The following PTPRD variants were observed in gnomAD, a reference collection of about 807,000 sequenced individuals.
PTPRD encodes protein tyrosine phosphatase receptor type D, also known as receptor-type tyrosine-protein phosphatase delta.
A neutral mutation model predicts 214.5 loss-of-function variants in PTPRD; 34 were observed. The observed-to-expected ratio is 0.16, with a 90% CI of 0.12 to 0.21. The LOEUF (loss-of-function observed/expected upper bound fraction) is 0.21, where lower values mean the gene tolerates loss of function less well. PTPRD is among the 10% of genes least tolerant of loss of function. The probability of loss-of-function intolerance (pLI) is 1.00; values close to 1 mark genes in which losing one functional copy is unlikely to be tolerated. For synonymous variants in PTPRD, 1,128 were observed against 845.7 expected, an observed-to-expected ratio of 1.33 and a Z score of -5.79; for missense variants, 2,545 against 2,398.7, an observed-to-expected ratio of 1.06 and a Z score of -1.27.
At chr9:8,954,238 C>A in intron 11 of PTPRD, among the ~76,000 whole-genome samples, 1 of 151,890 alleles carries the variant, frequency 6.6e-6, no homozygotes, top group East Asian at 1.9e-4. Flanking sequence ...TGAACTAAAG[C>A]AGAAACAGAA....
chr9:9,151,182 A>C (rs1016250385), intron 10 of PTPRD, among the ~76,000 whole-genome samples: 1 of 152,208 alleles, frequency 6.6e-6, no homozygotes, highest in Admixed American at 6.5e-5. Flanking sequence ...GATCTCAATG[A>C]ATTCTAGTCC....
intron 14 of PTPRD, among the ~76,000 whole-genome samples, chr9:8,629,356 G>T (rs112351288): frequency 6.6e-6 from 1 of 151,828 alleles, no homozygotes; most frequent in Admixed American, 6.6e-5. Context: ...ATCTATCAGA[G>T]AGAATATTTT....
rs1396791280 is a variant in PTPRD, at chr9:8,500,773, C to T, written c.2109G>A (p.Leu703=). The T allele has an allele frequency of 1.5e-5, 24 of 1,613,926 alleles. No individual in the cohort carries two copies. In the East Asian group the frequency reaches 4.9e-4, roughly 33 times the overall value. ...ACATACCATCTTCATTGGTTCGAATCAACACGGACAAGCTCTCAGGGCCAG... is the reference window on the plus strand; with the variant it reads ...ACATACCATCTTCATTGGTTCGAATTAACACGGACAAGCTCTCAGGGCCAG... ...VGPGPESLSV[L]IRTNEDVPSG... Residue 703 remains leucine (L), a synonymous_variant, in exon 24 of 46, where the codon TTG becomes TTA. Transcript: ENST00000381196.
chr9:9,074,373 T>G (rs1363734864), intron 10 of PTPRD, among the ~76,000 whole-genome samples: 1 of 152,114 alleles, frequency 6.6e-6, no homozygotes, highest in African/African-American at 2.4e-5. Context: ...GCTTTAGGAT[T>G]GATTCACATA....
chr9:10,226,912 T>C (rs1325512262), intron 3 of PTPRD, among the ~76,000 whole-genome samples: 1 of 152,012 alleles, frequency 6.6e-6, no homozygotes, highest in Non-Finnish European at 1.5e-5. Flanking sequence ...TTTTCAACTA[T>C]TTGGGGGGTA....
intron 10 of PTPRD, among the ~76,000 whole-genome samples, chr9:9,059,647 A>G (rs2099703548): frequency 6.6e-6 from 1 of 152,122 alleles, no homozygotes; most frequent in Non-Finnish European, 1.5e-5. Context: ...AATGATGCCA[A>G]AAAGATAGAA....
chr9:10,558,704 G>C (rs2063172974), intron 2 of PTPRD, among the ~76,000 whole-genome samples: 1 of 152,082 alleles, frequency 6.6e-6, no homozygotes, highest in Non-Finnish European at 1.5e-5. Context: ...TATTGCAAGT[G>C]CTAAATACAG....
chr9:8,884,907 T>A (rs565186053), intron 11 of PTPRD, among the ~76,000 whole-genome samples: 2 of 151,914 alleles, frequency 1.3e-5, no homozygotes, highest in East Asian at 3.9e-4. Context: ...ATATATCAAG[T>A]CTCCATGGTA....
At chr9:10,141,567 G>T (rs187900676) in intron 3 of PTPRD, among the ~76,000 whole-genome samples, 29 of 151,956 alleles carry the variant, frequency 1.9e-4, no homozygotes, top group East Asian at 7.7e-4. Flanking sequence ...CCTCTCCAAG[G>T]AGAACTACAA....
chr9:9,344,613 G>A (rs1432401937), intron 9 of PTPRD, among the ~76,000 whole-genome samples: 1 of 151,978 alleles, frequency 6.6e-6, no homozygotes, highest in Non-Finnish European at 1.5e-5. Flanking sequence ...CACAAATGCA[G>A]ATAAAAGATA....
At chr9:9,272,034 G>C (rs1020045488) in intron 9 of PTPRD, among the ~76,000 whole-genome samples, 1 of 151,056 alleles carries the variant, frequency 6.6e-6, no homozygotes, top group African/African-American at 2.4e-5. Context: ...GTGAAGAATG[G>C]AGTTTTTTAA....
At chr9:8,691,816 T>G (rs1264101307) in intron 12 of PTPRD, among the ~76,000 whole-genome samples, 5 of 152,218 alleles carry the variant, frequency 3.3e-5, no homozygotes, top group East Asian at 1.9e-4. Flanking sequence ...AGCAACTTTA[T>G]GCAACTTTAT....
At chr9:8,665,827 C>G (rs138943063) in intron 12 of PTPRD, among the ~76,000 whole-genome samples, 60 of 152,286 alleles carry the variant, frequency 3.9e-4, no homozygotes, top group African/African-American at 1.3e-3. Context: ...AAATACTTTA[C>G]TGTAACAGTG....
intron 9 of PTPRD, among the ~76,000 whole-genome samples, chr9:9,343,358 C>T (rs909474647): frequency 1.3e-5 from 2 of 152,148 alleles, no homozygotes; most frequent in Non-Finnish European, 2.9e-5. Flanking sequence ...AAAAGTGTTC[C>T]TATTTCTCCA....
chr9:9,119,888 G>A (rs79655472), intron 10 of PTPRD, among the ~76,000 whole-genome samples: 1,947 of 149,450 alleles, frequency 0.013, 44 homozygotes, highest in African/African-American at 0.045. Flanking sequence ...AAAGTGTATT[G>A]TACTTGGGAG....
chr9:9,110,359 T>A (rs536762792), intron 10 of PTPRD, among the ~76,000 whole-genome samples: 1 of 152,214 alleles, frequency 6.6e-6, no homozygotes, highest in East Asian at 1.9e-4. Context: ...GAGCCCCACC[T>A]CAGAATCAGA....
intron 2 of PTPRD, among the ~76,000 whole-genome samples, chr9:10,541,048 C>T (rs1004283745): frequency 2.0e-5 from 3 of 152,138 alleles, no homozygotes; most frequent in Non-Finnish European, 2.9e-5. Context: ...AACATTGATA[C>T]GCACTACACA....
chr9:9,251,861 C>G (rs1351333117), intron 9 of PTPRD, among the ~76,000 whole-genome samples: 3 of 152,094 alleles, frequency 2.0e-5, no homozygotes, highest in African/African-American at 7.2e-5. Context: ...CTGCAGCAGT[C>G]TTAACTACGC....
chr9:10,211,430 C>T (rs1193265834), intron 3 of PTPRD, among the ~76,000 whole-genome samples: 3 of 152,102 alleles, frequency 2.0e-5, no homozygotes, highest in African/African-American at 7.2e-5. Flanking sequence ...TTGCACTAAT[C>T]TGGGAGCTGT....
Sources: allele counts gnomAD v4.1 joint callset (sites outside exome capture counted in the v4.1 genomes callset), GRCh38; gene constraint gnomAD v4.1.1; transcripts MANE v1.5; gene names NCBI Gene and HGNC (gene_info 2026-07-23, HGNC 2026-07-21).